The following UTY variants were observed in gnomAD, a reference collection of about 807,000 sequenced individuals.
The protein encoded by UTY is ubiquitously transcribed tetratricopeptide repeat containing, Y-linked, also known as histone demethylase UTY.
A neutral mutation model predicts 32.5 loss-of-function variants in UTY; 12 were observed. The observed-to-expected ratio is 0.37, with a 90% CI of 0.24 to 0.60. The LOEUF is 0.60. Among genes scored for constraint, UTY ranks in the 20% least tolerant of loss-of-function variants. The pLI, the probability that UTY is intolerant of heterozygous loss-of-function variation, is 0.69. For missense variants in UTY, 303 were observed against 299.2 expected, an observed-to-expected ratio of 1.01 and a Z score of -0.09; for synonymous variants, 131 against 103.4, an observed-to-expected ratio of 1.27 and a Z score of -1.62.
At chrY:13,354,931 T>C in intron 17 of UTY, 72 bp downstream of exon 17, 1 of 373,763 alleles carries the variant, frequency 2.7e-6, no homozygotes, top group Non-Finnish European at 3.7e-6. Context: ...TCTATCTTTT[T>C]AGAATGTACA....
At chrY:13,267,444 T>A in intron 27 of UTY, among the ~76,000 whole-genome samples, 3 of 33,189 alleles carry the variant, frequency 9.0e-5, no homozygotes, top group Non-Finnish European at 2.2e-4. Flanking sequence ...TTCTCCTGAA[T>A]ACAGCACACT....
chrY:13,361,302 C>G, intron 10 of UTY, among the ~76,000 whole-genome samples: 1 of 33,154 alleles, frequency 3.0e-5, no homozygotes, highest in South Asian at 6.6e-4. Flanking sequence ...AAAATATGTG[C>G]AAATATTACT....
intron 21 of UTY, among the ~76,000 whole-genome samples, chrY:13,308,427 T>C: frequency 3.1e-5 from 1 of 32,364 alleles, no homozygotes; most frequent in Non-Finnish European, 7.5e-5. Flanking sequence ...GAGACCAGCC[T>C]GGGCAACATG....
chrY:13,403,560 A>C, intron 6 of UTY, among the ~76,000 whole-genome samples: 1 of 33,267 alleles, frequency 3.0e-5, no homozygotes, highest in Non-Finnish European at 7.5e-5. Context: ...CCAAAGTGCT[A>C]GGATTACAGG....
At chrY:13,466,293 A>T in intron 3 of UTY, among the ~76,000 whole-genome samples, 2 of 32,901 alleles carry the variant, frequency 6.1e-5, no homozygotes, top group Admixed American at 2.8e-4. Context: ...AAACCTGCAC[A>T]TCCTGCACAT....
chrY:13,312,674 G>A lies in UTY; in HGVS notation c.3277-6424C>T. ...CTCGGGAAGCTGAGGCAGAAGAATC[G>A]CTTGAACCTGGGAGGGGGTTGCAGT... On this transcript the variant is annotated intron_variant, in intron 21 of 29. Transcript: ENST00000545955. Among the ~76,000 whole-genome samples, 4 of 31,807 alleles carry A rather than the reference G, an allele frequency of 1.3e-4. No homozygotes were observed. In the South Asian group the frequency reaches 2.9e-3, roughly 23 times the overall value. The allele number at this position is 31,807 out of a possible 37,273, so 85.3% of individuals were successfully genotyped here.
intron 17 of UTY, among the ~76,000 whole-genome samples, chrY:13,345,213 G>A (rs2061800755): frequency 1.4e-3 from 47 of 32,896 alleles, no homozygotes; most frequent in African/African-American, 5.5e-3. Flanking sequence ...AACCAGCAGC[G>A]ACCACAACTC....
intron 6 of UTY, among the ~76,000 whole-genome samples, chrY:13,400,658 T>A: frequency 3.1e-5 from 1 of 32,387 alleles, no homozygotes; most frequent in Admixed American, 2.9e-4. Flanking sequence ...TTTCTGTCAG[T>A]CTAATATGCG....
At chrY:13,425,092 C>CA (rs2073113506) in intron 4 of UTY, among the ~76,000 whole-genome samples, 1 of 33,440 alleles carries the variant, frequency 3.0e-5, no homozygotes. Flanking sequence ...TACACATTAT[C>CA]AAAAAATGCA....
chrY:13,265,676 C>T, intron 27 of UTY, among the ~76,000 whole-genome samples: 1 of 33,374 alleles, frequency 3.0e-5, no homozygotes, highest in Admixed American at 2.7e-4. Flanking sequence ...ATCATGTCAT[C>T]TGCAAACAGA....
Position 13,479,321 on chromosome Y carries a change from T to TAG in UTY, c.153-6_153-5dup. ...CCTCACGAACCCGAAGAGACGGCTG[T>TAG]AGAGAGAGAGACACAGAGCTTGTTA... On this transcript the variant is annotated splice_polypyrimidine_tract_variant and splice_region_variant and intron_variant, in intron 1 of 29. Coordinates refer to ENST00000545955, the MANE Select transcript of UTY (RefSeq NM_001258249.2). The TAG allele has an allele frequency of 2.3e-5, 9 of 397,830 alleles. No individual in the cohort carries two copies. Among genetic ancestry groups the TAG allele is most frequent in the Non-Finnish European group, 3.2e-5 (9 of 282,963 alleles).
chrY:13,383,891 A>T (rs887769342), intron 8 of UTY, among the ~76,000 whole-genome samples: 2 of 33,428 alleles, frequency 6.0e-5, no homozygotes, highest in African/African-American at 1.2e-4. Context: ...AGAATGCAAT[A>T]AAAAAAAGGC....
At chrY:13,321,782 T>A (rs994601290) in intron 21 of UTY, among the ~76,000 whole-genome samples, 2 of 33,430 alleles carry the variant, frequency 6.0e-5, no homozygotes, top group Admixed American at 2.8e-4. Flanking sequence ...GGAGGCTGTG[T>A]CACATGAACA....
chrY:13,310,218 CAA>C (rs772096972), intron 21 of UTY, among the ~76,000 whole-genome samples: 4 of 6,116 alleles, frequency 6.5e-4, no homozygotes, highest in African/African-American at 2.7e-3. Context: ...TCCATCTCAC[CAA>C]AAAAAAAAAA....
chrY:13,237,579 T>A, intron 28 of UTY, among the ~76,000 whole-genome samples: 1 of 32,999 alleles, frequency 3.0e-5, no homozygotes, highest in South Asian at 6.9e-4. Flanking sequence ...GAAACTAACA[T>A]AGGGAGCTGC....
chrY:13,389,465 CTTATGT>C (rs2067280832), intron 8 of UTY, among the ~76,000 whole-genome samples: 2 of 33,286 alleles, frequency 6.0e-5, no homozygotes, highest in African/African-American at 2.3e-4. Flanking sequence ...GGTTTTAAGT[CTTATGT>C]TTATAAGTCC....
rs1473383015 is a variant in UTY at position 13,355,386 on chromosome Y, C to G, written c.1678G>C (p.Glu560Gln). The change falls in exon 17 of 30, where the codon GAA becomes CAA. Residue 560 changes from glutamate (E) to glutamine (Q), a missense_variant. By Grantham distance (29) the Glu-to-Gln change is conservative. Coordinates refer to ENST00000545955, the MANE Select transcript of UTY (RefSeq NM_001258249.2). ...FVLMQQMRHK[E>Q]VAQVRTTGIH... ...CCAGTAGTTCGTACCTGAGCAACTT[C>G]TTTGTGTCTCATCTTCAAAAACAAA... 3 of 398,462 alleles carry G rather than the reference C, an allele frequency of 7.5e-6. No individual in the cohort carries two copies. Among genetic ancestry groups the G allele is most frequent in the Non-Finnish European group, 1.1e-5 (3 of 283,439 alleles).
chrY:13,464,638 G>C, intron 3 of UTY, among the ~76,000 whole-genome samples: 1 of 32,067 alleles, frequency 3.1e-5, no homozygotes, highest in Non-Finnish European at 7.6e-5. Flanking sequence ...TGGGTGTGGT[G>C]GCACATACCT....
chrY:13,293,323 A>T (rs771783390), intron 27 of UTY, among the ~76,000 whole-genome samples: 3 of 30,856 alleles, frequency 9.7e-5, no homozygotes, highest in South Asian at 1.4e-3. Flanking sequence ...GGCATTCAAA[A>T]TTTTTTTTTT....
Sources: gnomAD v4.1 joint callset for allele counts (sites outside exome capture counted in the v4.1 genomes callset) on GRCh38, gnomAD v4.1.1 for gene constraint, MANE v1.5 for transcripts, NCBI Gene and HGNC (gene_info 2026-07-23, HGNC 2026-07-21) for gene names.